Variants in SLC25A43 observed in about 807,000 individuals in gnomAD.
SLC25A43 encodes the protein solute carrier family 25 member 43.
SLC25A43 carries 10 observed loss-of-function variants against 22.8 expected under a neutral mutation model. The ratio of observed to expected loss-of-function variants is 0.44; its 90% confidence interval spans 0.27 to 0.74. The LOEUF (loss-of-function observed/expected upper bound fraction) is 0.74, where lower values mean the gene tolerates loss of function less well. Among genes scored for constraint, SLC25A43 ranks in the 30% least tolerant of loss-of-function variants. The probability of loss-of-function intolerance (pLI) is 0.17; values close to 1 mark genes in which losing one functional copy is unlikely to be tolerated. For synonymous variants in SLC25A43, 106 were observed against 121.6 expected (o/e 0.87, Z 0.84); for missense variants, 233 against 279.1 (o/e 0.83, Z 1.18).
At chrX:119,427,371 C>T (rs1277389279) in intron 3 of SLC25A43, among the ~76,000 whole-genome samples, 2 of 112,143 alleles carry the variant, frequency 1.8e-5, no homozygotes, top group Admixed American at 1.9e-4. Context: ...AGCTAGTCAA[C>T]CCTCTAGCCT....
At chrX:119,424,614 G>C (rs766848290) in intron 3 of SLC25A43, among the ~76,000 whole-genome samples, 8 of 112,278 alleles carry the variant, frequency 7.1e-5, no homozygotes, top group Non-Finnish European at 1.5e-4. Context: ...CACAGCCTCA[G>C]TGCAAGAGTT....
At position 119,447,196 on chromosome X, in the gene SLC25A43, C is replaced by T. The variant is rs762489441; in HGVS notation, c.691-4813C>T. Among the ~76,000 whole-genome samples, 181 of 112,095 alleles carry T rather than the reference C, an allele frequency of 1.6e-3. 1 individual carries two copies. Among genetic ancestry groups the T allele is most frequent in the South Asian group, 5.5e-3 (15 of 2,713 alleles). On this transcript the variant is annotated intron_variant, in intron 3 of 4. Coordinates refer to ENST00000217909, the MANE Select transcript of SLC25A43 (RefSeq NM_145305.3). The stretch of plus-strand genomic sequence containing the variant: ...CTCTAACTCCTGACCTCAGGTGATC[C>T]ACTTGCCTTGGCCTCCCAAAGTGCT...
In SLC25A43 at chrX:119,399,364, G is replaced by A; in HGVS notation, c.-40G>A. The stretch of plus-strand genomic sequence containing the variant: ...TCCGCCCGTGGCCGGAGAGCCCCAG[G>A]CCCGAGCCACGCGGTCTTCCGGGCC... On this transcript the variant is annotated 5_prime_UTR_variant, in exon 1 of 5. Coordinates refer to ENST00000217909, the MANE Select transcript of SLC25A43 (RefSeq NM_145305.3). The A allele has an allele frequency of 2.1e-6, 2 of 944,521 alleles. No homozygotes were observed. Among genetic ancestry groups the A allele is most frequent in the South Asian group, 4.1e-5 (1 of 24,266 alleles). 77.8% of individuals were successfully genotyped at this position (944,521 alleles called of 1,213,427 possible).
intron 3 of SLC25A43, among the ~76,000 whole-genome samples, chrX:119,434,172 G>T (rs1287498746): frequency 9.0e-6 from 1 of 110,620 alleles, no homozygotes; most frequent in African/African-American, 3.3e-5. Flanking sequence ...GAGAGACAGA[G>T]AAAACTTAAA....
chrX:119,444,590 C>T (rs1030858648), intron 3 of SLC25A43, among the ~76,000 whole-genome samples: 2 of 109,169 alleles, frequency 1.8e-5, no homozygotes, highest in Admixed American at 9.9e-5. Flanking sequence ...GTAATCCCAG[C>T]TACTTGGGAG....
intron 3 of SLC25A43, among the ~76,000 whole-genome samples, chrX:119,431,831 A>G (rs941473466): frequency 9.0e-6 from 1 of 111,328 alleles, no homozygotes; most frequent in African/African-American, 3.3e-5. Flanking sequence ...CATATAAGGT[A>G]GAGTGTGCCG....
intron 3 of SLC25A43, among the ~76,000 whole-genome samples, chrX:119,449,547 T>C (rs1479521745): frequency 9.2e-6 from 1 of 108,944 alleles, no homozygotes; most frequent in Non-Finnish European, 1.9e-5. Context: ...CTGGGCAACA[T>C]AGGGAAACCC....
At chrX:119,413,751 T>C (rs2052372619) in intron 3 of SLC25A43, among the ~76,000 whole-genome samples, 1 of 111,042 alleles carries the variant, frequency 9.0e-6, no homozygotes. Context: ...ACTTATTATA[T>C]AATGGGTATT....
At chrX:119,420,401 A>G (rs778246385) in intron 3 of SLC25A43, among the ~76,000 whole-genome samples, 1 of 108,810 alleles carries the variant, frequency 9.2e-6, no homozygotes, top group South Asian at 4.0e-4. Context: ...GGGCCCAAGC[A>G]ATCCTTCCAC....
At chrX:119,403,442 A>G (rs1435929316) in intron 1 of SLC25A43, among the ~76,000 whole-genome samples, 4 of 110,902 alleles carry the variant, frequency 3.6e-5, no homozygotes, top group Non-Finnish European at 7.6e-5. Context: ...GGTGCACGCC[A>G]CCATGCCTGG....
chrX:119,453,375 T>G lies in SLC25A43; in HGVS notation c.*310T>G. 3.9e-6 allele frequency: 1 copy of G among 253,331 alleles called. No homozygotes were observed. Among genetic ancestry groups the G allele is most frequent in the Non-Finnish European group, 7.0e-6 (1 of 142,898 alleles). 20.9% of individuals were successfully genotyped at this position (253,331 alleles called of 1,213,427 possible). ...GAAACATGACACCAAAGAAAGGGCA[T>G]TGCCATGACATCTCAAAGCAACAGG... is the stretch of plus-strand genomic sequence containing the variant. On this transcript the variant is annotated 3_prime_UTR_variant, in exon 5 of 5. Coordinates refer to ENST00000217909, the MANE Select transcript of SLC25A43 (RefSeq NM_145305.3).
rs1354307124 is a variant in SLC25A43 at position 119,405,256 on chromosome X, G to A, written c.276-1204G>A. Among the ~76,000 whole-genome samples the A allele has an allele frequency of 2.7e-5, 3 of 111,726 alleles. No homozygotes were observed. In the Admixed American group the frequency reaches 2.9e-4, roughly 11 times the overall value. ...GGCTAAGGTAGGTTGACAAAATGAA[G>A]TCAAGACTCCTACAGCTTGAAGATG... On this transcript the variant is annotated intron_variant, in intron 1 of 4. Transcript: ENST00000217909.
At chrX:119,405,255 A>G in intron 1 of SLC25A43, among the ~76,000 whole-genome samples, 1 of 111,882 alleles carries the variant, frequency 8.9e-6, no homozygotes, top group African/African-American at 3.2e-5. Flanking sequence ...GACAAAATGA[A>G]GTCAAGACTC....
intron 1 of SLC25A43, among the ~76,000 whole-genome samples, chrX:119,403,214 ATGG>A (rs965531298): frequency 4.5e-5 from 5 of 111,134 alleles, no homozygotes; most frequent in Non-Finnish European, 7.5e-5. Flanking sequence ...AGGAGAATGA[ATGG>A]TATTTCTTTG....
chrX:119,417,560 A>G (rs902965371), intron 3 of SLC25A43, among the ~76,000 whole-genome samples: 1 of 110,373 alleles, frequency 9.1e-6, no homozygotes, highest in Non-Finnish European at 1.9e-5. Context: ...CAGTGACCTC[A>G]TCTGGGAGAA....
At chrX:119,418,152 G>A (rs17261103) in intron 3 of SLC25A43, among the ~76,000 whole-genome samples, 2,301 of 111,280 alleles carry the variant, frequency 0.021, 22 homozygotes, top group Non-Finnish European at 0.034. Context: ...TTGGTTTGGA[G>A]AATAAGAGGC....
intron 3 of SLC25A43, among the ~76,000 whole-genome samples, chrX:119,426,796 C>T (rs1032090229): frequency 7.3e-5 from 7 of 95,884 alleles, no homozygotes; most frequent in African/African-American, 1.9e-4. Context: ...CCAGCCTGGG[C>T]GACAGAGTGA....
intron 3 of SLC25A43, among the ~76,000 whole-genome samples, chrX:119,432,959 A>T (rs2052566953): frequency 9.2e-6 from 1 of 109,165 alleles, no homozygotes; most frequent in Non-Finnish European, 1.9e-5. Context: ...AAATACAAAA[A>T]AAATAGCCGG....
chrX:119,452,492 CAAAAAAA>C (rs376677564), intron 4 of SLC25A43, among the ~76,000 whole-genome samples: 1 of 66,076 alleles, frequency 1.5e-5, no homozygotes, highest in Non-Finnish European at 3.0e-5. Flanking sequence ...AACTCCATGA[CAAAAAAA>C]AAAAAAAACA....
Sources: allele counts gnomAD v4.1 joint callset (sites outside exome capture counted in the v4.1 genomes callset), GRCh38; gene constraint gnomAD v4.1.1; transcripts MANE v1.5; gene names NCBI Gene and HGNC (gene_info 2026-07-23, HGNC 2026-07-21).